Variants in GLCCI1 observed in about 807,000 individuals in gnomAD.
GLCCI1 encodes the protein glucocorticoid-induced transcript 1 protein.
A neutral mutation model predicts 52.2 loss-of-function variants in GLCCI1; 24 were observed. The observed-to-expected ratio is 0.46, with a 90% CI of 0.33 to 0.65. GLCCI1 has a LOEUF of 0.65. GLCCI1 is among the 30% of genes least tolerant of loss of function. GLCCI1 has a pLI of 0.02. For missense variants in GLCCI1, 704 were observed against 701.5 expected (o/e 1.00, Z -0.04); for synonymous variants, 310 against 276.5 (o/e 1.12, Z -1.20).
At chr7:7,999,953 G>A (rs559566760) in intron 1 of GLCCI1, among the ~76,000 whole-genome samples, 5 of 152,090 alleles carry the variant, frequency 3.3e-5, no homozygotes, top group Admixed American at 3.3e-4. Flanking sequence ...CCATTAAAAT[G>A]GTTCCTATTG....
At chr7:8,000,428 A>G (rs1781029508) in intron 1 of GLCCI1, among the ~76,000 whole-genome samples, 1 of 152,190 alleles carries the variant, frequency 6.6e-6, no homozygotes. Flanking sequence ...GGGAGAAGAA[A>G]CAAACAATAA....
chr7:8,065,296 C>A (rs1351318385), intron 5 of GLCCI1, among the ~76,000 whole-genome samples: 1 of 152,128 alleles, frequency 6.6e-6, no homozygotes, highest in African/African-American at 2.4e-5. Context: ...GATCAAGGAG[C>A]TTTTGGGTAG....
chr7:7,995,170 GA>G (rs1780915518), intron 1 of GLCCI1, among the ~76,000 whole-genome samples: 1 of 152,136 alleles, frequency 6.6e-6, no homozygotes, highest in Admixed American at 6.5e-5. Context: ...AGCAAATTTT[GA>G]GGGAAAATGC....
chr7:7,970,035 C>G, intron 1 of GLCCI1: 1 of 355,814 alleles, frequency 2.8e-6, no homozygotes, highest in Non-Finnish European at 4.3e-6. Flanking sequence ...TTCCATCACT[C>G]GCCTGCTTCG....
intron 1 of GLCCI1, among the ~76,000 whole-genome samples, chr7:7,986,083 G>A (rs1292875109): frequency 2.0e-5 from 3 of 152,030 alleles, no homozygotes; most frequent in Non-Finnish European, 4.4e-5. Context: ...TTTGCTCATG[G>A]TTTTTATCTT....
chr7:8,046,545 A>G lies in GLCCI1; in HGVS notation c.697-8888A>G, dbSNP rs562204293. On this transcript the variant is annotated intron_variant, in intron 3 of 7. Transcript: ENST00000223145. ...TCTGCATGATAAAAGTTTGGTTTCC[A>G]TAACTTCTTATCGGAATTCAGACAT... Among the ~76,000 whole-genome samples the G allele has an allele frequency of 3.9e-5, 6 of 152,342 alleles. No homozygotes were observed. The South Asian group carries it at 1.0e-3, about 26-fold the overall frequency.
chr7:7,972,851 A>G (rs1295377795), intron 1 of GLCCI1, among the ~76,000 whole-genome samples: 2 of 152,194 alleles, frequency 1.3e-5, no homozygotes, highest in Non-Finnish European at 2.9e-5. Context: ...GGTTACCATA[A>G]TAGAAATACG....
chr7:8,039,996 C>CAAAAAA (rs58721575), intron 3 of GLCCI1, among the ~76,000 whole-genome samples: 1 of 116,994 alleles, frequency 8.5e-6, no homozygotes, highest in African/African-American at 3.2e-5. Context: ...GACTCTGTCT[C>CAAAAAA]AAAAAAAAAA....
intron 6 of GLCCI1, among the ~76,000 whole-genome samples, chr7:8,074,127 A>C (rs75279610): frequency 5.3e-5 from 8 of 152,198 alleles, no homozygotes; most frequent in African/African-American, 1.9e-4. Flanking sequence ...TGTATGTCAG[A>C]TATTGTACTG....
chr7:7,980,101 A>T (rs540348371), intron 1 of GLCCI1, among the ~76,000 whole-genome samples: 88 of 152,178 alleles, frequency 5.8e-4, no homozygotes, highest in African/African-American at 2.0e-3. Flanking sequence ...TATTTTTAGT[A>T]GAGATGGGGT....
intron 3 of GLCCI1, among the ~76,000 whole-genome samples, chr7:8,031,198 T>C (rs1781740755): frequency 6.6e-6 from 1 of 151,978 alleles, no homozygotes; most frequent in Admixed American, 6.6e-5. Context: ...AAAGCAGTAC[T>C]ATTCAGCCAC....
chr7:7,975,290 C>T lies in GLCCI1; in HGVS notation c.457+5483C>T, dbSNP rs137914351. 1.6e-3 allele frequency among the ~76,000 whole-genome samples: 248 copies of T among 152,298 alleles called. 2 individuals carry two copies. Among genetic ancestry groups the T allele is most frequent in the African/African-American group, 5.3e-3 (222 of 41,572 alleles). On this transcript the variant is annotated intron_variant, in intron 1 of 7. Coordinates refer to ENST00000223145, the MANE Select transcript of GLCCI1 (RefSeq NM_138426.4). Reference sequence around the variant, plus strand: ...GTAGCATGAACAAACATGGCAGATACCTTTAAGCAGTGTTGTTTATTCCAA... The same window carrying T: ...GTAGCATGAACAAACATGGCAGATATCTTTAAGCAGTGTTGTTTATTCCAA...
chr7:8,016,858 A>C (rs1233730280), intron 2 of GLCCI1, among the ~76,000 whole-genome samples: 1 of 152,218 alleles, frequency 6.6e-6, no homozygotes, highest in Non-Finnish European at 1.5e-5. Flanking sequence ...ATATAATAAT[A>C]TGGAATTAAG....
chr7:8,041,641 C>A (rs1782001015), intron 3 of GLCCI1, among the ~76,000 whole-genome samples: 1 of 152,134 alleles, frequency 6.6e-6, no homozygotes, highest in Non-Finnish European at 1.5e-5. Flanking sequence ...GTCACCCAGG[C>A]TGGAGTACAG....
intron 5 of GLCCI1, among the ~76,000 whole-genome samples, chr7:8,060,571 A>G (rs899094635): frequency 1.3e-5 from 2 of 152,260 alleles, no homozygotes; most frequent in African/African-American, 4.8e-5. Flanking sequence ...TTTCATATCA[A>G]TGGAATCATA....
chr7:7,979,808 C>A (rs957288894), intron 1 of GLCCI1, among the ~76,000 whole-genome samples: 1 of 152,218 alleles, frequency 6.6e-6, no homozygotes, highest in Non-Finnish European at 1.5e-5. Flanking sequence ...GTCTAAATAT[C>A]TGCTATTGCT....
At position 7,969,248 on chromosome 7, in the gene GLCCI1, T is replaced by G; in HGVS notation, c.-103T>G. 5 of 361,184 alleles carry G rather than the reference T, an allele frequency of 1.4e-5. No homozygotes were observed. Among genetic ancestry groups the G allele is most frequent in the Non-Finnish European group, 1.8e-5 (5 of 278,754 alleles). 22.4% of individuals were successfully genotyped at this position (361,184 alleles called of 1,614,324 possible). ...ACAGCGATACCCCCGCCCCTCCCCC[T>G]TACACACTCGCACGCACTATCGCGC... On this transcript the variant is annotated 5_prime_UTR_variant, in exon 1 of 8. Transcript: ENST00000223145. This position sits in a 1 kb window ranked among gnomAD's most constrained non-coding sequence, Gnocchi z 4.9.
At chr7:8,078,275 G>C (rs1309376690) in intron 6 of GLCCI1, among the ~76,000 whole-genome samples, 1 of 141,448 alleles carries the variant, frequency 7.1e-6, no homozygotes, top group African/African-American at 2.6e-5. Flanking sequence ...CTAAGAGAAA[G>C]AAAAGCCAAG....
intron 3 of GLCCI1, among the ~76,000 whole-genome samples, chr7:8,023,588 C>CATTTTTTTTTTTT (rs1781543370): frequency 9.5e-5 from 4 of 41,990 alleles, no homozygotes; most frequent in African/African-American, 4.1e-4. Flanking sequence ...CTCTGTTATT[C>CATTTTTTTTTTTT]TTTTTTTTTT....
Sources: allele counts gnomAD v4.1 joint callset (sites outside exome capture counted in the v4.1 genomes callset), GRCh38; gene constraint gnomAD v4.1.1; non-coding constraint Gnocchi (gnomAD v3.1); transcripts MANE v1.5; gene names NCBI Gene and HGNC (gene_info 2026-07-23, HGNC 2026-07-21).